Variants in GRK3 observed in about 807,000 individuals in gnomAD.
The protein encoded by GRK3 is adrenergic, beta, receptor kinase 2.
In GRK3, 54 loss-of-function variants were observed where a neutral mutation model predicts 95.7. The ratio of observed to expected loss-of-function variants is 0.56; its 90% confidence interval spans 0.45 to 0.71. The LOEUF (loss-of-function observed/expected upper bound fraction) is 0.71, where lower values mean the gene tolerates loss of function less well. Ranked by LOEUF, GRK3 falls within the 30% of genes least tolerant of loss-of-function variation. The probability of loss-of-function intolerance (pLI) is 0.00; values close to 1 mark genes in which losing one functional copy is unlikely to be tolerated. For missense variants in GRK3, 649 were observed against 851.2 expected (o/e 0.76, Z 2.96); for synonymous variants, 281 against 290.8 (o/e 0.97, Z 0.34).
chr22:25,717,112 T>G (rs1242757286), intron 18 of GRK3, among the ~76,000 whole-genome samples: 1 of 152,184 alleles, frequency 6.6e-6, no homozygotes, highest in Non-Finnish European at 1.5e-5. Flanking sequence ...TTATGTAGCA[T>G]TTACACTGTA....
At chr22:25,569,751 C>T (rs555204803) in intron 1 of GRK3, among the ~76,000 whole-genome samples, 52 of 152,192 alleles carry the variant, frequency 3.4e-4, no homozygotes, top group African/African-American at 1.2e-3. Context: ...AGAAGTTTAA[C>T]GTCCATGATG....
intron 3 of GRK3, among the ~76,000 whole-genome samples, chr22:25,658,079 G>T (rs1041291301): frequency 6.6e-6 from 1 of 151,894 alleles, no homozygotes; most frequent in Non-Finnish European, 1.5e-5. Context: ...TTCGTTACAT[G>T]AATATTTTCT....
At chr22:25,655,598 A>T (rs1045897029) in intron 3 of GRK3, among the ~76,000 whole-genome samples, 2 of 152,086 alleles carry the variant, frequency 1.3e-5, no homozygotes, top group Middle Eastern at 3.4e-3. Flanking sequence ...TGTGGTCAGC[A>T]TTTTCATCTG....
At chr22:25,718,966 A>G (rs536516175) in intron 19 of GRK3, among the ~76,000 whole-genome samples, 74 of 152,322 alleles carry the variant, frequency 4.9e-4, no homozygotes, top group African/African-American at 1.7e-3. Context: ...TTTACATAGC[A>G]TTTACGTTAG....
In GRK3 at chr22:25,704,202, G is replaced by T; in HGVS notation, c.1321G>T (p.Gly441Ter). 1 of 1,611,916 alleles carries T rather than the reference G, an allele frequency of 6.2e-7. No individual in the cohort carries two copies. Among genetic ancestry groups the T allele is most frequent in the Non-Finnish European group, 8.5e-7 (1 of 1,178,770 alleles). Residue 441 changes from glycine to a stop codon, truncating the protein, a stop_gained, in exon 15 of 21, where the codon GGA becomes TGA. Coordinates refer to ENST00000324198, the MANE Select transcript of GRK3 (RefSeq NM_005160.4). LOFTEE classifies it high-confidence loss of function. The stretch of plus-strand genomic sequence containing the variant: ...CGTTAGCAAGCGGCTGGGCTGTCAC[G>T]GAGGCGGGTAGGCCATTGTTCCTGC... ...RDVSKRLGCH[G>*]GGSQEVKEHS...
At chr22:25,604,248 G>A (rs77818143) in intron 1 of GRK3, 129 bp from the exon 2 acceptor site, 2 of 588,356 alleles carry the variant, frequency 3.4e-6, no homozygotes, top group East Asian at 3.2e-5. Context: ...TGCATTTCAC[G>A]CAGTTGTGGC....
intron 3 of GRK3, chr22:25,647,595 A>C (rs774567096): frequency 1.3e-6 from 2 of 1,555,102 alleles, no homozygotes; most frequent in African/African-American, 2.7e-5. Flanking sequence ...AAGACCTTTC[A>C]TTTAAGAAGG....
At chr22:25,574,314 G>T (rs556655879) in intron 1 of GRK3, among the ~76,000 whole-genome samples, 1 of 152,260 alleles carries the variant, frequency 6.6e-6, no homozygotes, top group African/African-American at 2.4e-5. Context: ...GTGAAACCCT[G>T]TCTCTACCAA....
chr22:25,711,628 G>T (rs991738448), intron 17 of GRK3, among the ~76,000 whole-genome samples: 11 of 151,714 alleles, frequency 7.3e-5, no homozygotes, highest in African/African-American at 2.7e-4. Flanking sequence ...TGCATTTTTC[G>T]AACTTTTGTT....
intron 13 of GRK3, among the ~76,000 whole-genome samples, chr22:25,699,973 C>T (rs552954211): frequency 7.2e-5 from 11 of 152,236 alleles, no homozygotes; most frequent in Non-Finnish European, 1.3e-4. Flanking sequence ...GCTGGGATTA[C>T]AGGCGTGAGC....
chr22:25,608,904 A>G (rs2084473577), intron 2 of GRK3, among the ~76,000 whole-genome samples: 1 of 152,210 alleles, frequency 6.6e-6, no homozygotes, highest in African/African-American at 2.4e-5. Flanking sequence ...CACATGAGAA[A>G]ACTAATACAG....
chr22:25,605,334 A>G (rs977414709), intron 2 of GRK3, among the ~76,000 whole-genome samples: 23 of 152,198 alleles, frequency 1.5e-4, no homozygotes, highest in African/African-American at 5.5e-4. Flanking sequence ...TGGGGAACAG[A>G]TAAGTTAAAA....
intron 2 of GRK3, among the ~76,000 whole-genome samples, chr22:25,612,052 C>T (rs1431367991): frequency 6.6e-6 from 1 of 152,016 alleles, no homozygotes; most frequent in Non-Finnish European, 1.5e-5. Flanking sequence ...AGGCTGGTCA[C>T]GATCTCTTGA....
chr22:25,595,625 TC>T (rs1487144311), intron 1 of GRK3, among the ~76,000 whole-genome samples: 1 of 152,200 alleles, frequency 6.6e-6, no homozygotes, highest in Non-Finnish European at 1.5e-5. Flanking sequence ...ACTAGATTTC[TC>T]ATGTTTAGGA....
chr22:25,585,543 C>G (rs112758083), intron 1 of GRK3, among the ~76,000 whole-genome samples: 5,614 of 152,216 alleles, frequency 0.037, 202 homozygotes, highest in African/African-American at 0.085. Context: ...GAGCTAGATG[C>G]AAAGACTTGG....
intron 2 of GRK3, among the ~76,000 whole-genome samples, chr22:25,609,684 A>G (rs1221875773): frequency 6.6e-6 from 1 of 152,116 alleles, no homozygotes; most frequent in Non-Finnish European, 1.5e-5. Flanking sequence ...ATGTATAAAG[A>G]ACGTGGTAAT....
intron 1 of GRK3, among the ~76,000 whole-genome samples, chr22:25,594,702 C>A (rs994799791): frequency 7.9e-5 from 12 of 151,980 alleles, no homozygotes; most frequent in Admixed American, 5.2e-4. Flanking sequence ...CATGGTGAAA[C>A]CCTGTCTCTA....
chr22:25,636,460 T>C (rs999919603), intron 2 of GRK3, among the ~76,000 whole-genome samples: 1 of 152,258 alleles, frequency 6.6e-6, no homozygotes, highest in African/African-American at 2.4e-5. Flanking sequence ...ATCCTCAATA[T>C]ATTTACTCAT....
chr22:25,670,182 T>TA (rs2084969615), intron 6 of GRK3, among the ~76,000 whole-genome samples: 1 of 152,144 alleles, frequency 6.6e-6, no homozygotes, highest in African/African-American at 2.4e-5. Context: ...AGAAATATGT[T>TA]AAAGATCCTT....
Sources: allele counts gnomAD v4.1 joint callset (sites outside exome capture counted in the v4.1 genomes callset), GRCh38; gene constraint gnomAD v4.1.1; transcripts MANE v1.5; gene names NCBI Gene and HGNC (gene_info 2026-07-23, HGNC 2026-07-21).